ELF1: variants seen among roughly 807,000 people sequenced by gnomAD.
ELF1 encodes ETS-related transcription factor Elf-1.
In ELF1, 24 loss-of-function variants were observed where a neutral mutation model predicts 59.9. The ratio of observed to expected loss-of-function variants is 0.40; its 90% CI spans 0.29 to 0.56. ELF1 has a LOEUF of 0.56. Ranked by LOEUF, ELF1 falls within the 20% of genes least tolerant of loss-of-function variation. The pLI is 0.44. For synonymous variants in ELF1, 248 were observed against 266.2 expected (o/e 0.93, Z 0.67); for missense variants, 627 against 742.2 (o/e 0.84, Z 1.80).
Position 40,940,939 on chromosome 13 carries a change from G to T in ELF1, c.1238C>A (p.Ser413Tyr). Residue 413 changes from serine to tyrosine, a missense_variant, in exon 8 of 9, where the codon TCT becomes TAT. Transcript: ENST00000239882. ...TTCTCACCTAATACTCTGAACGGAA[G>T]AATTTAATGTTTCATCCTGCATGGT... ...TSTMQDETLN[S>Y]SVQSIRTIQA... 1 of 1,612,832 alleles carries T rather than the reference G, an allele frequency of 6.2e-7. No homozygotes were observed. Among genetic ancestry groups the T allele is most frequent in the Non-Finnish European group, 8.5e-7 (1 of 1,179,280 alleles).
intron 2 of ELF1, among the ~76,000 whole-genome samples, chr13:40,977,752 T>A (rs1873001456): frequency 6.6e-6 from 1 of 152,144 alleles, no homozygotes; most frequent in Non-Finnish European, 1.5e-5. Context: ...TCATTCAAAA[T>A]CCTATTCCAA....
chr13:41,012,743 A>T (rs1875149900), intron 1 of ELF1, among the ~76,000 whole-genome samples: 1 of 151,728 alleles, frequency 6.6e-6, no homozygotes. Context: ...CTACTTGTAG[A>T]GACAGGGTCT....
chr13:41,002,126 C>T (rs957995632), intron 1 of ELF1, among the ~76,000 whole-genome samples: 1 of 151,994 alleles, frequency 6.6e-6, no homozygotes, highest in Non-Finnish European at 1.5e-5. Context: ...GAAATAGGTA[C>T]AGATAAATCC....
At chr13:41,044,514 T>C (rs1328838301) in intron 1 of ELF1, among the ~76,000 whole-genome samples, 1 of 152,246 alleles carries the variant, frequency 6.6e-6, no homozygotes, top group Non-Finnish European at 1.5e-5. Flanking sequence ...CGCTGTTGAA[T>C]TTTGTCAAAG....
At chr13:41,004,530 T>C (rs1036645056) in intron 1 of ELF1, among the ~76,000 whole-genome samples, 2 of 152,126 alleles carry the variant, frequency 1.3e-5, no homozygotes, top group African/African-American at 4.8e-5. Context: ...TTACTAACTG[T>C]ATTTTCTTAG....
At chr13:41,060,934 C>T (rs939005626) in exon 1 of ELF1, 3 of 375,490 alleles carry the variant, frequency 8.0e-6, no homozygotes, top group Non-Finnish European at 1.6e-5. Flanking sequence ...GCCGCCGCCG[C>T]CGCCGCCGCC....
At chr13:40,943,185 A>G in intron 6 of ELF1, 41 bp from the exon 7 acceptor site, 1 of 1,438,348 alleles carries the variant, frequency 7.0e-7, no homozygotes, top group Non-Finnish European at 9.2e-7. Context: ...CCAAAATTTC[A>G]TTTAAAAGAA....
chr13:41,059,031 G>A (rs1877393312), intron 1 of ELF1, among the ~76,000 whole-genome samples: 1 of 152,210 alleles, frequency 6.6e-6, no homozygotes, highest in African/African-American at 2.4e-5. Context: ...AATTAAGGCA[G>A]AGTTATCCGA....
chr13:40,962,562 T>A (rs928422130), intron 2 of ELF1, among the ~76,000 whole-genome samples: 1 of 151,640 alleles, frequency 6.6e-6, no homozygotes, highest in African/African-American at 2.4e-5. Flanking sequence ...GACGGGCACC[T>A]GCAATCCCAG....
In ELF1 at chr13:41,000,237, C is replaced by CTTT. The variant is rs55938711; in HGVS notation, c.-228-17958_-228-17956dup. 3.3e-4 allele frequency among the ~76,000 whole-genome samples: 18 copies of CTTT among 54,752 alleles called. 2 individuals are homozygous for CTTT. Among genetic ancestry groups the CTTT allele is most frequent in the Non-Finnish European group, 4.0e-4 (13 of 32,146 alleles). The allele number at this position is 54,752 out of a possible 152,430, so 35.9% of individuals were successfully genotyped here. A position where few individuals can be genotyped will look rare whatever the true frequency, so the allele number is the denominator to read the frequency against. ...CCAAATGAGGCTGCATTGAACCTGG[C>CTTT]TTTTTTTTTTTTTTTTTTTTTTTTT... On this transcript the variant is annotated intron_variant, in intron 1 of 8. Coordinates refer to ENST00000239882, the MANE Select transcript of ELF1 (RefSeq NM_172373.4).
intron 1 of ELF1, among the ~76,000 whole-genome samples, chr13:41,035,324 G>A (rs1330320238): frequency 6.6e-6 from 1 of 152,156 alleles, no homozygotes; most frequent in African/African-American, 2.4e-5. Flanking sequence ...ATGATAGCAT[G>A]CCTGTCCCAC....
intron 1 of ELF1, among the ~76,000 whole-genome samples, chr13:41,041,944 G>C (rs1265141894): frequency 6.6e-6 from 1 of 152,182 alleles, no homozygotes; most frequent in African/African-American, 2.4e-5. Flanking sequence ...GGTCATATTT[G>C]TATTCAGTAG....
chr13:41,059,062 A>G (rs1877393837), intron 1 of ELF1, among the ~76,000 whole-genome samples: 2 of 152,232 alleles, frequency 1.3e-5, no homozygotes, highest in Non-Finnish European at 2.9e-5. Flanking sequence ...CTTCTTTCCA[A>G]ATTTTCAACT....
intron 3 of ELF1, 68 bp from the exon 4 acceptor site, chr13:40,951,504 G>T: frequency 2.5e-6 from 3 of 1,210,680 alleles, no homozygotes; most frequent in Non-Finnish European, 3.6e-6. Context: ...GTCATACACC[G>T]CTTATCTCTA....
intron 1 of ELF1, among the ~76,000 whole-genome samples, chr13:41,030,682 T>C (rs941546656): frequency 2.0e-5 from 3 of 150,652 alleles, no homozygotes; most frequent in Non-Finnish European, 4.4e-5. Context: ...GCCCAGGAGA[T>C]TGAGGCTGCA....
intron 2 of ELF1, among the ~76,000 whole-genome samples, chr13:40,963,901 G>A (rs547318469): frequency 2.0e-4 from 30 of 150,878 alleles, no homozygotes; most frequent in African/African-American, 3.6e-4. Context: ...GCAAGACTCC[G>A]TCTCAAAAAG....
exon 1 of ELF1, chr13:41,060,879 C>A (rs1434051943): frequency 5.9e-6 from 2 of 340,622 alleles, no homozygotes; most frequent in Non-Finnish European, 1.2e-5. Flanking sequence ...CCGCACCTCT[C>A]GCCACCGCCG....
At chr13:41,032,387 T>A (rs1593404589) in intron 1 of ELF1, among the ~76,000 whole-genome samples, 2 of 152,026 alleles carry the variant, frequency 1.3e-5, no homozygotes, top group East Asian at 3.9e-4. Flanking sequence ...CCAGCTAATT[T>A]TTGTATTTTT....
At chr13:40,954,437 G>C (rs79339012) in intron 3 of ELF1, among the ~76,000 whole-genome samples, 8 of 43,010 alleles carry the variant, frequency 1.9e-4, no homozygotes, top group East Asian at 2.8e-4. Context: ...CTCTCCCCAC[G>C]GTCTCCCTCT....
Sources: allele counts gnomAD v4.1 joint callset (sites outside exome capture counted in the v4.1 genomes callset), GRCh38; gene constraint gnomAD v4.1.1; transcripts MANE v1.5; gene names NCBI Gene and HGNC (gene_info 2026-07-23, HGNC 2026-07-21).